The following TP63 variants were observed in gnomAD, a reference collection of about 807,000 sequenced individuals.
The protein encoded by TP63 is tumor protein p63.
Under a neutral mutation model 82.8 loss-of-function variants are expected in TP63, and 17 were observed. That is an observed-to-expected ratio of 0.21 (90% confidence interval 0.14 to 0.31). The LOEUF is 0.31. Among genes scored for constraint, TP63 ranks in the 10% least tolerant of loss-of-function variants. The pLI is 1.00. For synonymous variants in TP63, 330 were observed against 321.7 expected (o/e 1.03, Z -0.28); for missense variants, 648 against 895.3 (o/e 0.72, Z 3.52).
At chr3:189,684,399 A>G (rs1716237236) in intron 1 of TP63, among the ~76,000 whole-genome samples, 1 of 152,156 alleles carries the variant, frequency 6.6e-6, no homozygotes. Context: ...GATCAACTCC[A>G]CTTTACAAAG....
At position 189,846,682 on chromosome 3, in the gene TP63, C is replaced by CTTT. The variant is rs1204688713; in HGVS notation, c.580-17528_580-17526dup. 4.4e-4 allele frequency among the ~76,000 whole-genome samples: 31 copies of CTTT among 70,626 alleles called. 2 individuals carry two copies. The highest frequency in any genetic ancestry group is 2.0e-3 in the South Asian group (3 of 1,486). 46.3% of individuals were successfully genotyped at this position (70,626 alleles called of 152,430 possible). On this transcript the variant is annotated intron_variant, in intron 4 of 13. Coordinates refer to ENST00000264731, the MANE Select transcript of TP63 (RefSeq NM_003722.5). Reference sequence around the variant, plus strand: ...TTACCAACACTTTGTTTTCCACATTCTTTTTTTTTTTTTTTTTTTTTTTTG... The same window carrying CTTT: ...TTACCAACACTTTGTTTTCCACATTCTTTTTTTTTTTTTTTTTTTTTTTTTTTG...
At position 189,858,127 on chromosome 3, in the gene TP63, C is replaced by T. The variant is rs1277333370; in HGVS notation, c.580-6105C>T. Among the ~76,000 whole-genome samples the T allele has an allele frequency of 1.4e-5, 2 of 144,506 alleles. 1 individual carries two copies. The highest frequency in any genetic ancestry group is 3.0e-5 in the Non-Finnish European group (2 of 65,576). 94.8% of individuals were successfully genotyped at this position (144,506 alleles called of 152,430 possible). A position where few individuals can be genotyped will look rare whatever the true frequency, so the allele number is the denominator to read the frequency against. Reference sequence around the variant, plus strand: ...GGATAAGAAAATGTTGTGTATAGGCCGGGCGCGGTGGCTCACGCCTGTAAT... The same window carrying T: ...GGATAAGAAAATGTTGTGTATAGGCTGGGCGCGGTGGCTCACGCCTGTAAT... On this transcript the variant is annotated intron_variant, in intron 4 of 13. Coordinates refer to ENST00000264731, the MANE Select transcript of TP63 (RefSeq NM_003722.5).
chr3:189,613,689 G>A, the TP63 span, among the ~76,000 whole-genome samples: 2 of 152,188 alleles, frequency 1.3e-5, no homozygotes, highest in South Asian at 4.1e-4. Flanking sequence ...GCAGCTGGGA[G>A]GGAGAGTGTA....
intron 3 of TP63, among the ~76,000 whole-genome samples, chr3:189,775,479 G>A (rs886534065): frequency 2.0e-5 from 3 of 152,074 alleles, no homozygotes; most frequent in Non-Finnish European, 2.9e-5. Flanking sequence ...ATCGTAATAT[G>A]CCATGTTTTC....
chr3:189,790,544 C>T (rs1193155787), intron 3 of TP63, among the ~76,000 whole-genome samples: 2 of 151,778 alleles, frequency 1.3e-5, no homozygotes, highest in African/African-American at 4.8e-5. Flanking sequence ...GATCTCTTCT[C>T]AGCAAGTTTG....
upstream of TP63, among the ~76,000 whole-genome samples, chr3:189,630,505 A>C (rs969085505): frequency 6.6e-6 from 1 of 152,186 alleles, no homozygotes; most frequent in African/African-American, 2.4e-5. Flanking sequence ...AAGTCAAAGC[A>C]AAACCAAAAA....
At chr3:189,797,359 C>T (rs1725818792) in intron 3 of TP63, among the ~76,000 whole-genome samples, 1 of 152,062 alleles carries the variant, frequency 6.6e-6, no homozygotes, top group African/African-American at 2.4e-5. Flanking sequence ...CCGAAGTGAG[C>T]TTGCCTTGGA....
At chr3:189,691,361 GAAAA>G (rs1048262806) in intron 1 of TP63, among the ~76,000 whole-genome samples, 1 of 118,552 alleles carries the variant, frequency 8.4e-6, no homozygotes, top group Admixed American at 8.3e-5. Context: ...AAAAAAAAAA[GAAAA>G]AGAAAAAGAA....
intron 4 of TP63, among the ~76,000 whole-genome samples, chr3:189,843,073 C>T (rs896101168): frequency 1.3e-5 from 2 of 152,208 alleles, no homozygotes; most frequent in African/African-American, 4.8e-5. Flanking sequence ...ACAAGGCTGG[C>T]GAGCTCCACC....
intron 3 of TP63, among the ~76,000 whole-genome samples, chr3:189,798,834 AG>A (rs1364904001): frequency 6.6e-6 from 1 of 152,150 alleles, no homozygotes; most frequent in African/African-American, 2.4e-5. Flanking sequence ...TTCAAAAGTA[AG>A]GCATGTCTTC....
At chr3:189,864,749 G>A (rs1215438067) in intron 5 of TP63, among the ~76,000 whole-genome samples, 5 of 151,874 alleles carry the variant, frequency 3.3e-5, no homozygotes, top group Admixed American at 6.6e-5. Context: ...GCTCATGCCC[G>A]TAATCCCAGC....
chr3:189,856,126 A>G (rs1330276128), intron 4 of TP63, among the ~76,000 whole-genome samples: 1 of 151,844 alleles, frequency 6.6e-6, no homozygotes, highest in African/African-American at 2.4e-5. Context: ...AGAAACCTAC[A>G]TAGAGATATA....
At chr3:189,643,392 C>G (rs1712096076) in intron 1 of TP63, among the ~76,000 whole-genome samples, 1 of 151,598 alleles carries the variant, frequency 6.6e-6, no homozygotes, top group Non-Finnish European at 1.5e-5. Flanking sequence ...ACTTTGAAAA[C>G]TTAGAGTTGC....
chr3:189,684,084 T>A (rs1560108529), intron 1 of TP63, among the ~76,000 whole-genome samples: 1 of 152,186 alleles, frequency 6.6e-6, no homozygotes, highest in Non-Finnish European at 1.5e-5. Flanking sequence ...ACCCACAGCA[T>A]GATGTGGATT....
chr3:189,600,391 A>G, the TP63 span, among the ~76,000 whole-genome samples: 1 of 152,192 alleles, frequency 6.6e-6, no homozygotes, highest in Non-Finnish European at 1.5e-5. Flanking sequence ...CACATGCTAT[A>G]TGTCAGAAAC....
chr3:189,806,040 CTTTTTT>C (rs34836784), intron 3 of TP63, among the ~76,000 whole-genome samples: 5 of 52,078 alleles, frequency 9.6e-5, no homozygotes, highest in East Asian at 6.5e-4. Flanking sequence ...GAAGCAAACA[CTTTTTT>C]TTTTTTTTTT....
At chr3:189,733,240 A>G (rs1720303422) in intron 1 of TP63, among the ~76,000 whole-genome samples, 1 of 152,218 alleles carries the variant, frequency 6.6e-6, no homozygotes, top group Admixed American at 6.5e-5. Context: ...GAAATAGATG[A>G]TGAGTATGGA....
In TP63 at chr3:189,787,144, A is replaced by T. The variant is rs75504468; in HGVS notation, c.325-21128A>T. ...CAAAAAATATGGATTTTCCACCAAT[A>T]TGTTCCTTTTCCTTTATGTCATTTA... On this transcript the variant is annotated intron_variant, in intron 3 of 13. Coordinates refer to ENST00000264731, the MANE Select transcript of TP63 (RefSeq NM_003722.5). Among the ~76,000 whole-genome samples, 2,267 of 152,152 alleles carry T rather than the reference A, an allele frequency of 0.015. 229 individuals are homozygous for T. The East Asian group carries it at 0.28, about 19-fold the overall frequency.
Position 189,645,726 on chromosome 3 carries a change from A to G in TP63, c.62+14149A>G, listed in dbSNP as rs1197481089. 1.0e-4 allele frequency among the ~76,000 whole-genome samples: 15 copies of G among 145,792 alleles called. 2 individuals are homozygous for G. Among genetic ancestry groups the G allele is most frequent in the African/African-American group, 3.4e-4 (13 of 38,752 alleles). On this transcript the variant is annotated intron_variant, in intron 1 of 13. Transcript: ENST00000264731. ...TGTGTCCATGTGTTCTCATTGTTCA[A>G]TTCCCACCTATGAGTGAGAACATGC... is the stretch of plus-strand genomic sequence containing the variant.
Sources: allele counts gnomAD v4.1 joint callset (sites outside exome capture counted in the v4.1 genomes callset), GRCh38; gene constraint gnomAD v4.1.1; transcripts MANE v1.5; gene names NCBI Gene and HGNC (gene_info 2026-07-23, HGNC 2026-07-21).